Variants in APLF observed in about 807,000 individuals in gnomAD.
The protein encoded by APLF is aprataxin and PNKP like factor.
APLF carries 61 observed loss-of-function variants against 55.6 expected under a neutral mutation model. The ratio of observed to expected loss-of-function variants is 1.10; its 90% CI spans 0.89 to 1.36. APLF has a LOEUF of 1.36. Among genes scored for constraint, APLF ranks in the 40% most tolerant of loss-of-function variants. The probability of loss-of-function intolerance (pLI) is 0.00; values close to 1 mark genes in which losing one functional copy is unlikely to be tolerated. For synonymous variants in APLF, 207 were observed against 214.8 expected, an observed-to-expected ratio of 0.96 and a Z score of 0.32; for missense variants, 611 against 602.5, an observed-to-expected ratio of 1.01 and a Z score of -0.15.
chr2:68,502,364 G>A (rs1334524767), intron 2 of APLF, among the ~76,000 whole-genome samples: 1 of 152,086 alleles, frequency 6.6e-6, no homozygotes, highest in Non-Finnish European at 1.5e-5. Flanking sequence ...TATGGAAGTT[G>A]GGGGACTCAG....
At chr2:68,494,087 G>T (rs1676459380) in intron 2 of APLF, among the ~76,000 whole-genome samples, 1 of 149,246 alleles carries the variant, frequency 6.7e-6, no homozygotes, top group Non-Finnish European at 1.5e-5. Flanking sequence ...TAGCCTGGGT[G>T]ACAGAGTGAG....
At chr2:68,469,937 T>G (rs144793371) in intron 1 of APLF, among the ~76,000 whole-genome samples, 1 of 152,358 alleles carries the variant, frequency 6.6e-6, no homozygotes, top group African/African-American at 2.4e-5. Context: ...AATCTGACTG[T>G]GTAAAATAGT....
chr2:68,520,279 G>A (rs1573213812), intron 5 of APLF, among the ~76,000 whole-genome samples: 2 of 152,100 alleles, frequency 1.3e-5, no homozygotes, highest in South Asian at 4.2e-4. Flanking sequence ...TGTTTACTCT[G>A]CTGATTATTT....
chr2:68,470,709 T>C (rs1040301233), intron 1 of APLF, among the ~76,000 whole-genome samples: 8 of 152,340 alleles, frequency 5.3e-5, no homozygotes, highest in Admixed American at 3.9e-4. Context: ...ATATGACACA[T>C]TTCTTTATGA....
chr2:68,539,900 A>G (rs1670498780), intron 7 of APLF, among the ~76,000 whole-genome samples: 1 of 152,190 alleles, frequency 6.6e-6, no homozygotes, highest in Non-Finnish European at 1.5e-5. Context: ...TAGCCAGTAC[A>G]CTAAGGCAAA....
intron 7 of APLF, among the ~76,000 whole-genome samples, chr2:68,542,041 A>G (rs1343087347): frequency 6.6e-6 from 1 of 152,236 alleles, no homozygotes; most frequent in Admixed American, 6.5e-5. Flanking sequence ...CAAAGAGGAA[A>G]GGACAGATTT....
intron 5 of APLF, among the ~76,000 whole-genome samples, chr2:68,519,068 A>AATAATATAATATATTATTAATAT (rs1558540252): frequency 1.7e-5 from 2 of 117,314 alleles, no homozygotes; most frequent in South Asian, 4.8e-4. Flanking sequence ...ATTAATATAT[A>AATAATATAATATATTATTAATAT]ATAATAATAT....
At chr2:68,477,683 T>A (rs1053742581) in intron 1 of APLF, among the ~76,000 whole-genome samples, 3 of 151,944 alleles carry the variant, frequency 2.0e-5, no homozygotes, top group Non-Finnish European at 4.4e-5. Context: ...TAACCAAAAC[T>A]GGATAATTTA....
chr2:68,567,309 G>T, intron 8 of APLF, 32 bp from the exon 9 acceptor site: 1 of 1,584,862 alleles, frequency 6.3e-7, no homozygotes, highest in South Asian at 1.1e-5. Flanking sequence ...GTAATTGGAA[G>T]ACTAGCTCTT....
intron 1 of APLF, among the ~76,000 whole-genome samples, chr2:68,469,354 C>T (rs534234988): frequency 2.6e-5 from 4 of 152,010 alleles, no homozygotes; most frequent in South Asian, 4.2e-4. Context: ...AATTTTAGGG[C>T]CGTGGTTTAG....
intron 3 of APLF, among the ~76,000 whole-genome samples, chr2:68,510,234 A>G (rs1677004920): frequency 6.6e-6 from 1 of 151,894 alleles, no homozygotes; most frequent in Non-Finnish European, 1.5e-5. Flanking sequence ...ATAATAATAT[A>G]CAAAAAAAGA....
intron 8 of APLF, among the ~76,000 whole-genome samples, chr2:68,565,504 TAGAC>T (rs1177524994): frequency 2.8e-5 from 4 of 144,694 alleles, no homozygotes; most frequent in African/African-American, 5.4e-5. Flanking sequence ...GATAGACAGA[TAGAC>T]AGATAGATAC....
intron 5 of APLF, among the ~76,000 whole-genome samples, chr2:68,519,056 TA>T (rs1247292443): frequency 7.9e-6 from 1 of 127,108 alleles, no homozygotes; most frequent in African/African-American, 3.0e-5. Flanking sequence ...ATATAATATA[TA>T]ATTAATATAT....
intron 5 of APLF, among the ~76,000 whole-genome samples, chr2:68,518,714 T>TAAATC (rs1669758778): frequency 1.6e-5 from 2 of 124,182 alleles, no homozygotes; most frequent in Non-Finnish European, 3.1e-5. Context: ...GAATATACAA[T>TAAATC]AATATATCAT....
intron 5 of APLF, among the ~76,000 whole-genome samples, chr2:68,518,834 T>G (rs1424724573): frequency 9.3e-6 from 1 of 107,036 alleles, no homozygotes; most frequent in Non-Finnish European, 1.8e-5. Context: ...AATATATCAT[T>G]AATATGTAAT....
intron 7 of APLF, among the ~76,000 whole-genome samples, chr2:68,538,773 A>T (rs753947695): frequency 6.7e-6 from 1 of 149,768 alleles, no homozygotes; most frequent in Non-Finnish European, 1.5e-5. Flanking sequence ...TTCAAATTAT[A>T]ATCTCTTAGT....
In APLF at chr2:68,502,725, T is replaced by A. The variant is rs1342050505; in HGVS notation, c.169-6T>A. The A allele has an allele frequency of 7.1e-7, 1 of 1,411,584 alleles. No individual in the cohort carries two copies. The highest frequency in any genetic ancestry group is 2.6e-5 in the East Asian group (1 of 38,182). 87.4% of individuals were successfully genotyped at this position (1,411,584 alleles called of 1,614,324 possible). On this transcript the variant is annotated splice_region_variant and splice_polypyrimidine_tract_variant and intron_variant, in intron 2 of 9. Transcript: ENST00000303795. ...AATTTAATTATATTCTTTTTTAATTTGTTAGATACACACAAATCCATGTTT... is the reference window on the plus strand; with the variant it reads ...AATTTAATTATATTCTTTTTTAATTAGTTAGATACACACAAATCCATGTTT...
rs1040788047 is a variant in APLF at position 68,579,320 on chromosome 2, T to C, written c.*1298T>C. 1.2e-5 allele frequency: 11 copies of C among 916,908 alleles called. No individual in the cohort carries two copies. The highest frequency in any genetic ancestry group is 1.3e-5 in the Non-Finnish European group (10 of 767,662). The allele number at this position is 916,908 out of a possible 1,614,324, so 56.8% of individuals were successfully genotyped here. The stretch of plus-strand genomic sequence containing the variant: ...ATCTCTTATTGTTATTTGGGAACTA[T>C]TTTTCCCCTTATAATGTCCCTTTAG... On this transcript the variant is annotated 3_prime_UTR_variant, in exon 10 of 10. Transcript: ENST00000303795.
chr2:68,526,571 C>G (rs1333379820), intron 6 of APLF, among the ~76,000 whole-genome samples: 2 of 152,290 alleles, frequency 1.3e-5, no homozygotes, highest in East Asian at 3.9e-4. Context: ...CTTCTTTTCT[C>G]TAAGACTTAC....
Sources: allele counts gnomAD v4.1 joint callset (sites outside exome capture counted in the v4.1 genomes callset), GRCh38; gene constraint gnomAD v4.1.1; transcripts MANE v1.5; gene names NCBI Gene and HGNC (gene_info 2026-07-23, HGNC 2026-07-21).